The following DPF2 variants were observed in gnomAD, a reference collection of about 807,000 sequenced individuals.
DPF2 encodes the protein zinc finger protein ubi-d4.
Under a neutral mutation model 59.6 loss-of-function variants are expected in DPF2, and 10 were observed. The ratio of observed to expected loss-of-function variants is 0.17; its 90% CI spans 0.10 to 0.28. The LOEUF (loss-of-function observed/expected upper bound fraction) is 0.28, where lower values mean the gene tolerates loss of function less well. Ranked by LOEUF, DPF2 falls within the 10% of genes least tolerant of loss-of-function variation. The probability of loss-of-function intolerance (pLI) is 1.00; values close to 1 mark genes in which losing one functional copy is unlikely to be tolerated. For synonymous variants in DPF2, 189 were observed against 190.6 expected, an observed-to-expected ratio of 0.99 and a Z score of 0.07; for missense variants, 315 against 509.4, an observed-to-expected ratio of 0.62 and a Z score of 3.67.
chr11:65,335,371 C>G (rs1427071147), intron 1 of DPF2, among the ~76,000 whole-genome samples: 5 of 152,154 alleles, frequency 3.3e-5, no homozygotes, highest in Non-Finnish European at 5.9e-5. Flanking sequence ...AAGGAAGATT[C>G]TCATTGTACT....
chr11:65,343,781 G>A lies in DPF2; in HGVS notation c.502G>A (p.Asp168Asn), dbSNP rs747492190. 6.3e-6 allele frequency: 10 copies of A among 1,598,062 alleles called. No homozygotes were observed. The highest frequency in any genetic ancestry group is 3.4e-6 in the Non-Finnish European group (4 of 1,172,620). Residue 168 changes from aspartate to asparagine, a missense_variant, in exon 5 of 11, where the codon GAT becomes AAT. Transcript: ENST00000528416. ...LEPDDFLDDLDDEDYEEDTPK... is the reference protein window; with the variant it reads ...LEPDDFLDDLNDEDYEEDTPK... ...ACCAGATGACTTCCTGGATGACCTC[G>A]ATGATGAAGACTATGAAGAAGATAC...
intron 4 of DPF2, among the ~76,000 whole-genome samples, chr11:65,343,314 A>AG (rs1276562786): frequency 6.7e-6 from 1 of 149,218 alleles, no homozygotes. Context: ...AAAAAAAAAA[A>AG]AAAAAAAAGC....
At chr11:65,346,121 C>T in intron 8 of DPF2, 63 bp downstream of exon 8, 1 of 1,606,888 alleles carries the variant, frequency 6.2e-7, no homozygotes, top group Non-Finnish European at 8.5e-7. Flanking sequence ...GCTTGCTGGC[C>T]TCTAGGGCTG....
intron 6 of DPF2, chr11:65,345,430 G>C: frequency 1.8e-6 from 1 of 548,648 alleles, no homozygotes; most frequent in Non-Finnish European, 3.2e-6. Context: ...AAGAGCAGTG[G>C]TGGCCATGGG....
chr11:65,348,749 C>T, intron 9 of DPF2, 101 bp from the exon 10 acceptor site: 2 of 1,158,916 alleles, frequency 1.7e-6, no homozygotes, highest in Non-Finnish European at 2.6e-6. Context: ...CACATCTGTT[C>T]TTACCTGCTA....
intron 1 of DPF2, among the ~76,000 whole-genome samples, chr11:65,334,853 C>T (rs1383732799): frequency 6.6e-6 from 1 of 152,134 alleles, no homozygotes; most frequent in South Asian, 2.1e-4. Flanking sequence ...TGGTGTCTAG[C>T]TGTCCAGTCA....
chr11:65,337,680 TG>T, intron 1 of DPF2, among the ~76,000 whole-genome samples: 1 of 151,708 alleles, frequency 6.6e-6, no homozygotes, highest in Admixed American at 6.6e-5. Context: ...CTTGGTTTAC[TG>T]CACCCTCAAC....
rs1854456517 is a variant in DPF2 at position 65,343,997 on chromosome 11, G to A, written c.565G>A (p.Gly189Ser). Reference protein sequence around the residue: ...RRGKGKSKGKGVGSARKKLDA... With the variant: ...RRGKGKSKGKSVGSARKKLDA... ...TCTTTGCTCTTCTTGGCAGGGTAAGGGTGTGGGCAGTGCCCGTAAGAAGCT... is the reference window on the plus strand; with the variant it reads ...TCTTTGCTCTTCTTGGCAGGGTAAGAGTGTGGGCAGTGCCCGTAAGAAGCT... Residue 189 changes from glycine (G) to serine (S), a missense_variant, in exon 6 of 11, where the codon GGT (glycine) becomes AGT (serine). Gly to Ser is a moderately conservative substitution (Grantham distance 56). Transcript: ENST00000528416. 1 of 1,614,074 alleles carries A rather than the reference G, an allele frequency of 6.2e-7. No homozygotes were observed. Among genetic ancestry groups the A allele is most frequent in the Admixed American group, 1.7e-5 (1 of 59,998 alleles).
rs931943606 is a variant in DPF2 at position 65,340,478 on chromosome 11, G to A, written c.126G>A (p.Leu42=). 5 of 1,614,134 alleles carry A rather than the reference G, an allele frequency of 3.1e-6. No individual in the cohort carries two copies. In the African/African-American group the frequency reaches 5.3e-5, roughly 17 times the overall value. The change falls in exon 2 of 11, where the codon TTG becomes TTA. Residue 42 remains leucine (L), a synonymous_variant. Coordinates refer to ENST00000528416, the MANE Select transcript of DPF2 (RefSeq NM_006268.5). ...CAERSVRLPF[L]DSQTGVAQSN... The stretch of plus-strand genomic sequence containing the variant: ...AGCGCAGCGTGCGCCTGCCTTTCTT[G>A]GACTCACAGACCGGAGTAGCCCAGA...
chr11:65,337,431 C>T (rs1485367904), intron 1 of DPF2, among the ~76,000 whole-genome samples: 1 of 108,880 alleles, frequency 9.2e-6, no homozygotes, highest in Non-Finnish European at 1.7e-5. Flanking sequence ...CTAACCTGGG[C>T]GGCAAAGCAA....
At chr11:65,351,637 G>A in intron 10 of DPF2, 46 bp from the exon 11 acceptor site, 2 of 1,543,810 alleles carry the variant, frequency 1.3e-6, no homozygotes, top group East Asian at 2.2e-5. Context: ...GCAAGCAGGT[G>A]GGGATTGTGT....
intron 6 of DPF2, chr11:65,345,417 T>C: frequency 1.9e-6 from 1 of 519,522 alleles, no homozygotes; most frequent in Non-Finnish European, 3.5e-6. Context: ...AAAGTCAACA[T>C]GGAAGAGCAG....
intron 9 of DPF2, 120 bp from the exon 10 acceptor site, chr11:65,348,730 T>G: frequency 1.1e-6 from 1 of 872,296 alleles, no homozygotes; most frequent in Non-Finnish European, 1.8e-6. Context: ...GTTTCCCACA[T>G]AAGATTCTCA....
At chr11:65,340,896 T>G in intron 2 of DPF2, 70 bp from the exon 3 acceptor site, 1 of 1,467,116 alleles carries the variant, frequency 6.8e-7, no homozygotes. Flanking sequence ...GCCTACTTAA[T>G]TAGAAAGTGT....
intron 1 of DPF2, 144 bp downstream of exon 1, chr11:65,334,062 A>G (rs1459088916): frequency 8.4e-7 from 1 of 1,190,216 alleles, no homozygotes; most frequent in Admixed American, 2.4e-5. Flanking sequence ...GGGCAACAGG[A>G]GACTCCGGAG....
chr11:65,345,915 T>G lies in DPF2; in HGVS notation c.776-15T>G, dbSNP rs759638525. The stretch of plus-strand genomic sequence containing the variant: ...GGACCCCCATGGGTGTCATCAAAAC[T>G]CTTTCTCTCTGTAGCCAAAAAGGGT... On this transcript the variant is annotated splice_polypyrimidine_tract_variant and intron_variant, in intron 7 of 10. Transcript: ENST00000528416. 76 of 1,613,944 alleles carry G rather than the reference T, an allele frequency of 4.7e-5. No homozygotes were observed. The South Asian group carries it at 5.3e-4, about 11-fold the overall frequency.
intron 2 of DPF2, 140 bp from the exon 3 acceptor site, chr11:65,340,826 A>G: frequency 1.1e-6 from 1 of 898,948 alleles, no homozygotes; most frequent in Non-Finnish European, 1.7e-6. Context: ...AGACTATTCC[A>G]CCTAACCCCC....
At chr11:65,337,533 AG>A (rs1854228412) in intron 1 of DPF2, among the ~76,000 whole-genome samples, 2 of 138,628 alleles carry the variant, frequency 1.4e-5, no homozygotes, top group African/African-American at 5.3e-5. Flanking sequence ...AGAGAGAGAG[AG>A]AGAGAGAGAG....
intron 1 of DPF2, among the ~76,000 whole-genome samples, chr11:65,334,419 TC>T: frequency 6.6e-6 from 1 of 152,140 alleles, no homozygotes; most frequent in Non-Finnish European, 1.5e-5. Context: ...TTTGGGAGGA[TC>T]TTGGGTGGCA....
Sources: allele counts gnomAD v4.1 joint callset (sites outside exome capture counted in the v4.1 genomes callset), GRCh38; gene constraint gnomAD v4.1.1; transcripts MANE v1.5; gene names NCBI Gene and HGNC (gene_info 2026-07-23, HGNC 2026-07-21).